Variants in CACNA1A observed in about 807,000 individuals in gnomAD.
CACNA1A encodes voltage-dependent P/Q-type calcium channel subunit alpha-1A.
In CACNA1A, 57 loss-of-function variants were observed where a neutral mutation model predicts 262.4. The ratio of observed to expected loss-of-function variants is 0.22; its 90% CI spans 0.18 to 0.27. The LOEUF (loss-of-function observed/expected upper bound fraction) is 0.27, where lower values mean the gene tolerates loss of function less well. Among genes scored for constraint, CACNA1A ranks in the 10% least tolerant of loss-of-function variants. The pLI is 1.00. For synonymous variants in CACNA1A, 1,431 were observed against 1,419.3 expected (o/e 1.01, Z -0.18); for missense variants, 2,526 against 3,562.8 (o/e 0.71, Z 7.41).
chr19:13,355,969 C>G (rs529751245), intron 6 of CACNA1A, among the ~76,000 whole-genome samples: 1 of 152,258 alleles, frequency 6.6e-6, no homozygotes, highest in East Asian at 1.9e-4. Context: ...CAGAAATCAT[C>G]CCTGGGCGAG....
Position 13,299,242 on chromosome 19 carries a change from C to T in CACNA1A, c.2391G>A (p.Met797Ile), listed in dbSNP as rs370746809. 6 of 1,609,240 alleles carry T rather than the reference C, an allele frequency of 3.7e-6. No individual in the cohort carries two copies. Among genetic ancestry groups the T allele is most frequent in the African/African-American group, 2.7e-5 (2 of 74,942 alleles). ...CAGCCTTCCAGCGCTCGTCCGGGTC[C>T]ATTTCGTTATACAGGGCCTCCCGGC... ...LASREALYNE[M>I]DPDERWKAAY... The change falls in exon 19 of 47, where the codon ATG becomes ATA. Residue 797 changes from methionine to isoleucine, a missense_variant. This residue lies in a region of CACNA1A where 765 missense variants were observed against 748.6 expected (regional missense o/e 1.02). Transcript: ENST00000360228.
intron 1 of CACNA1A, among the ~76,000 whole-genome samples, chr19:13,490,699 AAGAAAGAAAGAAAG>A (rs1311230472): frequency 1.8e-4 from 3 of 17,118 alleles, no homozygotes; most frequent in Non-Finnish European, 2.6e-4. Context: ...AAAGGAAAGA[AAGAAAGAAAGAAAG>A]AAAGAAAGAA....
rs1600346973 is a variant in CACNA1A, at chr19:13,330,298, C to T, written c.1291G>A (p.Asp431Asn). Reference sequence around the variant, plus strand: ...TCAGCCTCTTCGGGGTTGAGCAAATCTGTCTTGCTTTTCTTTATGGTGGTT... The same window carrying T: ...TCAGCCTCTTCGGGGTTGAGCAAATTTGTCTTGCTTTTCTTTATGGTGGTT... ...RRTTIKKSKT[D>N]LLNPEEAEDQ... Residue 431 changes from aspartate (D) to asparagine (N), a missense_variant, in exon 10 of 47, where the codon GAT becomes AAT. Around this residue, in one of 17 missense-constraint regions of CACNA1A, gnomAD observed 104 missense variants for 127.6 expected, o/e 0.81. Coordinates refer to ENST00000360228, the MANE Select transcript of CACNA1A (RefSeq NM_001127222.2). 4 of 1,564,944 alleles carry T rather than the reference C, an allele frequency of 2.6e-6. No individual in the cohort carries two copies. The highest frequency in any genetic ancestry group is 3.5e-6 in the Non-Finnish European group (4 of 1,153,798).
Position 13,241,565 on chromosome 19 carries a change from C to A in CACNA1A, c.4950+3617G>T. The A allele has an allele frequency of 5.2e-6, 1 of 193,568 alleles. No homozygotes were observed. The highest frequency in any genetic ancestry group is 3.8e-5 in the South Asian group (1 of 25,992). The allele number at this position is 193,568 out of a possible 1,614,324, so 12.0% of individuals were successfully genotyped here. On this transcript the variant is annotated intron_variant, in intron 31 of 46. Coordinates refer to ENST00000360228, the MANE Select transcript of CACNA1A (RefSeq NM_001127222.2). This position sits in a 1 kb window ranked among gnomAD's most constrained non-coding sequence, Gnocchi z 4.0. ...TTGAAGATGAGGGGGAGCGGGCGGG[C>A]GGGGGCAGTTGGGGAGGCGTGTTCA...
chr19:13,337,963 C>T (rs4926153), intron 6 of CACNA1A, among the ~76,000 whole-genome samples: 105,209 of 152,066 alleles, frequency 0.69, 36,512 homozygotes, highest in Admixed American at 0.76. Flanking sequence ...CTCACGCCTG[C>T]AATCCCAGCA....
At chr19:13,314,723 G>A (rs1481719113) in intron 11 of CACNA1A, among the ~76,000 whole-genome samples, 3 of 152,154 alleles carry the variant, frequency 2.0e-5, no homozygotes, top group African/African-American at 4.8e-5. Context: ...AATGAACTAA[G>A]ATATTTGCCA....
chr19:13,495,571 C>G (rs1040621069), intron 1 of CACNA1A, among the ~76,000 whole-genome samples: 5 of 152,140 alleles, frequency 3.3e-5, no homozygotes, highest in Admixed American at 3.3e-4. Context: ...CCTAAACATA[C>G]AATCTTATTG....
chr19:13,421,046 T>G (rs1343960195), intron 3 of CACNA1A, among the ~76,000 whole-genome samples: 1 of 152,156 alleles, frequency 6.6e-6, no homozygotes, highest in Non-Finnish European at 1.5e-5. Flanking sequence ...CAGCTGCCAC[T>G]TTTGGGTCTG....
At chr19:13,405,990 G>C (rs1290742594) in intron 3 of CACNA1A, among the ~76,000 whole-genome samples, 1 of 152,002 alleles carries the variant, frequency 6.6e-6, no homozygotes, top group African/African-American at 2.4e-5. Flanking sequence ...TGCCTGGATG[G>C]TCTTCCCTCT....
chr19:13,311,362 G>T (rs1318411621), intron 12 of CACNA1A, among the ~76,000 whole-genome samples: 2 of 152,174 alleles, frequency 1.3e-5, no homozygotes, highest in African/African-American at 4.8e-5. Flanking sequence ...AATAGCTGAG[G>T]CTATAGGCAT....
chr19:13,338,209 C>T (rs4926154), intron 6 of CACNA1A, among the ~76,000 whole-genome samples: 72,836 of 151,332 alleles, frequency 0.48, 19,071 homozygotes, highest in Admixed American at 0.6. Flanking sequence ...AGCGAGACTT[C>T]GTCTCAAAAA....
At position 13,298,534 on chromosome 19, in the gene CACNA1A, C is replaced by G; in HGVS notation, c.3089+10G>C. The G allele has an allele frequency of 6.5e-7, 1 of 1,540,352 alleles. No homozygotes were observed. The highest frequency in any genetic ancestry group is 8.8e-7 in the Non-Finnish European group (1 of 1,141,116). On this transcript the variant is annotated intron_variant, in intron 19 of 46. Coordinates refer to ENST00000360228, the MANE Select transcript of CACNA1A (RefSeq NM_001127222.2). ...CGTCATTCTGCGGATTCGAGGTCAC[C>G]TCCACTTACTTCCTCCTCCGATGCC...
chr19:13,303,484 G>T, intron 17 of CACNA1A, 62 bp downstream of exon 17: 1 of 46,952 alleles, frequency 2.1e-5, no homozygotes. Context: ...CCCCACCCCC[G>T]TCCTGATCTG....
intron 6 of CACNA1A, among the ~76,000 whole-genome samples, chr19:13,359,280 A>G (rs1415048581): frequency 6.6e-6 from 1 of 152,216 alleles, no homozygotes; most frequent in African/African-American, 2.4e-5. Flanking sequence ...ATATTACTCT[A>G]TCTTTTATCT....
chr19:13,272,293 C>T (rs1324172403), intron 24 of CACNA1A: 1 of 152,254 alleles, frequency 6.6e-6, no homozygotes, highest in African/African-American at 2.4e-5. Context: ...GACATATTCA[C>T]CCCACTGCCT....
intron 3 of CACNA1A, among the ~76,000 whole-genome samples, chr19:13,418,963 A>G (rs2060271936): frequency 6.6e-6 from 1 of 151,956 alleles, no homozygotes; most frequent in South Asian, 2.1e-4. Context: ...GCATGATCTC[A>G]GCTCACTGCA....
Position 13,298,703 on chromosome 19 carries a change from G to A in CACNA1A, c.2930C>T (p.Ala977Val), listed in dbSNP as rs1432898385. The change falls in exon 19 of 47, where the codon GCG (alanine) becomes GTG (valine). Residue 977 changes from alanine to valine, a missense_variant. By Grantham distance (64) the Ala-to-Val change is moderately conservative (BLOSUM62 0). Around this residue, in one of 17 missense-constraint regions of CACNA1A, gnomAD observed 765 missense variants for 748.6 expected, o/e 1.02. Transcript: ENST00000360228. ...CGGCCGGCTGCCCTCGCGGTGCCGC[G>A]CCCTCCGCTCCGCCTTGTCCTCCGG... Reference protein sequence around the residue: ...EGPEDKAERRARHREGSRPAR... With the variant: ...EGPEDKAERRVRHREGSRPAR... 4 of 1,460,988 alleles carry A rather than the reference G, an allele frequency of 2.7e-6. No individual in the cohort carries two copies. The highest frequency in any genetic ancestry group is 2.7e-6 in the Non-Finnish European group (3 of 1,111,228). The allele number at this position is 1,460,988 out of a possible 1,614,324, so 90.5% of individuals were successfully genotyped here.
chr19:13,461,847 C>T (rs1320245209), intron 1 of CACNA1A, among the ~76,000 whole-genome samples: 1 of 152,120 alleles, frequency 6.6e-6, no homozygotes, highest in East Asian at 1.9e-4. Context: ...AGAGAAGCAT[C>T]CCTGATGGGA....
chr19:13,424,128 C>A (rs767145877), intron 3 of CACNA1A, among the ~76,000 whole-genome samples: 1 of 152,118 alleles, frequency 6.6e-6, no homozygotes, highest in Non-Finnish European at 1.5e-5. Flanking sequence ...GCTGGCAGAT[C>A]GCCTGAGGTC....
Sources: allele counts gnomAD v4.1 joint callset (sites outside exome capture counted in the v4.1 genomes callset), GRCh38; gene constraint gnomAD v4.1.1; regional missense constraint gnomAD v4.1.1; non-coding constraint Gnocchi (gnomAD v3.1); transcripts MANE v1.5; gene names NCBI Gene and HGNC (gene_info 2026-07-23, HGNC 2026-07-21).